RSRP1: variants seen among roughly 807,000 people sequenced by gnomAD.
RSRP1 encodes the protein arginine/serine-rich protein 1.
Under a neutral mutation model 33.0 loss-of-function variants are expected in RSRP1, and 37 were observed. The ratio of observed to expected loss-of-function variants is 1.12; its 90% confidence interval spans 0.86 to 1.48. The LOEUF is 1.48. RSRP1 is among the 40% of genes most tolerant of loss of function. RSRP1 has a pLI of 0.00. For missense variants in RSRP1, 402 were observed against 385.3 expected (o/e 1.04, Z -0.36); for synonymous variants, 167 against 158.7 (o/e 1.05, Z -0.40).
chr1:25,316,639 G>C lies in RSRP1; in HGVS notation c.-67+21339C>G, dbSNP rs1644457657. On this transcript the variant is annotated intron_variant, in intron 1 of 1. Transcript: ENST00000561867. ...AACAGAAAAAAAAAAAAAAAAAAGA[G>C]AGAGAGAGAAAACTGGAGGCTCTGA... Among the ~76,000 whole-genome samples the C allele has an allele frequency of 4.1e-5, 5 of 121,528 alleles. No homozygotes were observed. The South Asian group carries it at 1.3e-3, about 31-fold the overall frequency. The allele number at this position is 121,528 out of a possible 152,430, so 79.7% of individuals were successfully genotyped here.
intron 1 of RSRP1, among the ~76,000 whole-genome samples, chr1:25,331,564 A>AT (rs71014354): frequency 0.76 from 56,210 of 74,362 alleles, 25,767 homozygotes; most frequent in East Asian, 0.97. Flanking sequence ...GAAAAATGTG[A>AT]TTTTTTTTTT....
intron 1 of RSRP1, among the ~76,000 whole-genome samples, chr1:25,276,415 T>G (rs1640962738): frequency 9.5e-6 from 1 of 105,064 alleles, no homozygotes. Context: ...TAATAGTTAA[T>G]TAAAAAAAAA....
At chr1:25,337,813 C>G (rs1189582356) in intron 1 of RSRP1, 2 of 151,470 alleles carry the variant, frequency 1.3e-5, no homozygotes, top group Non-Finnish European at 2.9e-5. Context: ...AGACTGGGGT[C>G]CACGGGACAC....
At chr1:25,286,958 C>T (rs1201043768) in intron 1 of RSRP1, among the ~76,000 whole-genome samples, 11 of 130,944 alleles carry the variant, frequency 8.4e-5, no homozygotes, top group Non-Finnish European at 1.8e-4. Flanking sequence ...CTGGGTGTGG[C>T]GGCAGGCACC....
In RSRP1 at chr1:25,298,938, A is replaced by AT. The variant is rs1252964123; in HGVS notation, c.-67+39039dup. Among the ~76,000 whole-genome samples, 4 of 129,070 alleles carry AT rather than the reference A, an allele frequency of 3.1e-5. 2 individuals are homozygous for AT. Among genetic ancestry groups the AT allele is most frequent in the Non-Finnish European group, 7.3e-5 (4 of 54,900 alleles). 84.7% of individuals were successfully genotyped at this position (129,070 alleles called of 152,430 possible). The stretch of plus-strand genomic sequence containing the variant: ...GCAGCTTCATCTTATCAAGAGGGTG[A>AT]TTTTTTGAGTACAGACCTGAAGGTA... On this transcript the variant is annotated intron_variant, in intron 1 of 1. Transcript: ENST00000561867.
chr1:25,263,322 G>A (rs1261046557), intron 1 of RSRP1, among the ~76,000 whole-genome samples: 1 of 151,974 alleles, frequency 6.6e-6, no homozygotes, highest in Non-Finnish European at 1.5e-5. Context: ...CATTGTATTA[G>A]TCTGTTCACA....
chr1:25,291,237 G>A lies in RSRP1; in HGVS notation c.-66-44208C>T, dbSNP rs1308621513. On this transcript the variant is annotated intron_variant, in intron 1 of 1. Coordinates refer to the RSRP1 transcript ENST00000561867. ...TAATCCCAGCACTTTGGGAGGCCAA[G>A]GAGGGCAGATCACCTGAGGTCAGGA... Among the ~76,000 whole-genome samples the A allele has an allele frequency of 3.8e-5, 5 of 130,962 alleles. 1 individual carries two copies. The highest frequency in any genetic ancestry group is 7.2e-5 in the Non-Finnish European group (4 of 55,498). 85.9% of individuals were successfully genotyped at this position (130,962 alleles called of 152,430 possible).
rs1404276023 is a variant in RSRP1, at chr1:25,246,717, G to C, written c.247C>G (p.Arg83Gly). 1 of 1,607,520 alleles carries C rather than the reference G, an allele frequency of 6.2e-7. No individual in the cohort carries two copies. The highest frequency in any genetic ancestry group is 8.5e-7 in the Non-Finnish European group (1 of 1,175,398). The change falls in exon 2 of 5, where the codon CGG becomes GGG. Residue 83 changes from arginine (R) to glycine (G), a missense_variant. By Grantham distance (125) the Arg-to-Gly change is moderately radical. Transcript: ENST00000243189. ...KYRRYSRSYS[R>G]SRSRSRSRRY... ...CGGCTGCGGGATCGCGACCGGCTCCGCGAGTATGACCGCGAGTAGCGCCTG... is the reference window on the plus strand; with the variant it reads ...CGGCTGCGGGATCGCGACCGGCTCCCCGAGTATGACCGCGAGTAGCGCCTG...
At chr1:25,329,624 A>T (rs1345386079) in intron 1 of RSRP1, 5 of 136,726 alleles carry the variant, frequency 3.7e-5, no homozygotes, top group Admixed American at 3.4e-4. Flanking sequence ...ATAGAAACTT[A>T]ATTAGATTAT....
At chr1:25,330,548 A>T (rs965368641) in intron 1 of RSRP1, 1 of 131,476 alleles carries the variant, frequency 7.6e-6, no homozygotes, top group Admixed American at 7.5e-5. Context: ...ACAAAAGAGA[A>T]CCAATCTATC....
chr1:25,246,819 C>T lies in RSRP1; in HGVS notation c.145G>A (p.Val49Ile). The change falls in exon 2 of 5, where the codon GTC becomes ATC. Residue 49 changes from valine to isoleucine, a missense_variant. Coordinates refer to ENST00000243189, the MANE Select transcript of RSRP1 (RefSeq NM_020317.5). The stretch of plus-strand genomic sequence containing the variant: ...CTCCTGGACGAAAACCGGCTCGAGA[C>T]GCGGGAATGGGACCGAGAGCTTCTG... The part of the protein sequence containing the change: ...FSRSSRSHSR[V>I]SSRFSSRSRR... 6.2e-7 allele frequency: 1 copy of T among 1,613,472 alleles called. No homozygotes were observed. The highest frequency in any genetic ancestry group is 8.5e-7 in the Non-Finnish European group (1 of 1,179,798).
chr1:25,270,133 C>G lies in RSRP1; in HGVS notation c.-66-23104G>C, dbSNP rs1166543339. Among the ~76,000 whole-genome samples, 5 of 131,868 alleles carry G rather than the reference C, an allele frequency of 3.8e-5. 1 individual carries two copies. Among genetic ancestry groups the G allele is most frequent in the Non-Finnish European group, 9.0e-5 (5 of 55,656 alleles). 86.5% of individuals were successfully genotyped at this position (131,868 alleles called of 152,430 possible). ...AAACCCAGTTTATAAGAAGTACTGACTGCCAGAAATAGAGCAGAAATGAGA... is the reference window on the plus strand; with the variant it reads ...AAACCCAGTTTATAAGAAGTACTGAGTGCCAGAAATAGAGCAGAAATGAGA... On this transcript the variant is annotated intron_variant, in intron 1 of 1. Coordinates refer to the RSRP1 transcript ENST00000561867.
chr1:25,309,243 A>C (rs1443666726), intron 1 of RSRP1, among the ~76,000 whole-genome samples: 2 of 131,840 alleles, frequency 1.5e-5, no homozygotes, highest in Non-Finnish European at 3.6e-5. Context: ...ATTTTTAAGT[A>C]ATGGGAAGGC....
At chr1:25,284,271 A>G (rs1284176473) in intron 1 of RSRP1, among the ~76,000 whole-genome samples, 1 of 135,950 alleles carries the variant, frequency 7.4e-6, no homozygotes, top group Non-Finnish European at 1.8e-5. Flanking sequence ...TCTTATTATT[A>G]GGTTTAATAA....
intron 1 of RSRP1, among the ~76,000 whole-genome samples, chr1:25,255,874 C>A (rs879869010): frequency 3.9e-5 from 6 of 152,012 alleles, no homozygotes; most frequent in Non-Finnish European, 7.4e-5. Context: ...GGAGCTCAGG[C>A]AGTAATGCAA....
Position 25,246,921 on chromosome 1 carries a change from CCTG to C in RSRP1, c.40_42del (p.Gln14del). The C allele has an allele frequency of 1.3e-6, 2 of 1,594,452 alleles. No individual in the cohort carries two copies. Among genetic ancestry groups the C allele is most frequent in the Non-Finnish European group, 1.7e-6 (2 of 1,167,130 alleles). On this transcript the variant is annotated inframe_deletion, in exon 2 of 5. Coordinates refer to ENST00000243189, the MANE Select transcript of RSRP1 (RefSeq NM_020317.5). ...CGCGAGGTCGAGGGCGAATCCTTCT[CCTG>C]CGGCGAGCCCGGCCACATGTCGTTC...
chr1:25,249,565 C>T (rs1458610742), upstream of RSRP1, among the ~76,000 whole-genome samples: 1 of 152,174 alleles, frequency 6.6e-6, no homozygotes, highest in Non-Finnish European at 1.5e-5. Context: ...TGGTCTTGAA[C>T]TCCTGACCTC....
intron 1 of RSRP1, among the ~76,000 whole-genome samples, chr1:25,299,086 A>AAC (rs1643174783): frequency 7.9e-6 from 1 of 126,418 alleles, no homozygotes. Context: ...AAAAAAAAAA[A>AAC]AAAAAAAAAA....
Position 25,308,680 on chromosome 1 carries a change from C to T in RSRP1, c.-67+29298G>A, listed in dbSNP as rs1291081833. ...GAGCCTATGGGAACTGGCTCCAGCA[C>T]ATCCCTGCAAGTCAACTCTCATCAG... On this transcript the variant is annotated intron_variant, in intron 1 of 1. Coordinates refer to the RSRP1 transcript ENST00000561867. 1.5e-5 allele frequency among the ~76,000 whole-genome samples: 2 copies of T among 129,900 alleles called. 1 individual carries two copies. Among genetic ancestry groups the T allele is most frequent in the African/African-American group, 5.3e-5 (2 of 37,692 alleles). The allele number at this position is 129,900 out of a possible 152,430, so 85.2% of individuals were successfully genotyped here.
Sources: gnomAD v4.1 joint callset for allele counts (sites outside exome capture counted in the v4.1 genomes callset) on GRCh38, gnomAD v4.1.1 for gene constraint, MANE v1.5 for transcripts, NCBI Gene and HGNC (gene_info 2026-07-23, HGNC 2026-07-21) for gene names.